CHMP3: variants seen among roughly 807,000 people sequenced by gnomAD.
CHMP3 encodes the protein charged multivesicular body protein 3.
Under a neutral mutation model 27.4 loss-of-function variants are expected in CHMP3, and 8 were observed. That is an observed-to-expected ratio of 0.29 (90% CI 0.17 to 0.53). The LOEUF (loss-of-function observed/expected upper bound fraction) is 0.53. Among genes scored for constraint, CHMP3 ranks in the 20% least tolerant of loss-of-function variants. CHMP3 has a pLI of 0.96. For missense variants in CHMP3, 208 were observed against 271.5 expected, an observed-to-expected ratio of 0.77 and a Z score of 1.64; for synonymous variants, 86 against 85.5, an observed-to-expected ratio of 1.01 and a Z score of -0.03.
In CHMP3 at chr2:86,532,750, C is replaced by T. The variant is rs116314255; in HGVS notation, c.107-3353G>A. 2.0e-3 allele frequency among the ~76,000 whole-genome samples: 310 copies of T among 152,250 alleles called. 2 individuals carry two copies. The highest frequency in any genetic ancestry group is 7.2e-3 in the African/African-American group (301 of 41,554). On this transcript the variant is annotated intron_variant, in intron 2 of 5. Transcript: ENST00000263856. The stretch of plus-strand genomic sequence containing the variant: ...GATATATTACACTGATCAAATTTTA[C>T]ATGTTGAATCATTCTTGCATTCCAG...
intron 1 of CHMP3, among the ~76,000 whole-genome samples, chr2:86,546,370 A>C: frequency 4.0e-5 from 1 of 25,286 alleles, no homozygotes; most frequent in South Asian, 1.0e-3. Context: ...AAGGGAGGGG[A>C]AGGGGGGGAG....
chr2:86,526,973 A>G (rs1056174672), intron 3 of CHMP3: 6 of 152,154 alleles, frequency 3.9e-5, no homozygotes, highest in African/African-American at 1.2e-4. Context: ...TTTAAGATTC[A>G]TGATAGTGGC....
At chr2:86,545,926 CCAGG>C (rs1399864285) in intron 1 of CHMP3, among the ~76,000 whole-genome samples, 1 of 152,110 alleles carries the variant, frequency 6.6e-6, no homozygotes, top group African/African-American at 2.4e-5. Flanking sequence ...GGATGGGCGG[CCAGG>C]CAGAGACACT....
intron 2 of CHMP3, among the ~76,000 whole-genome samples, chr2:86,539,214 C>T (rs547202093): frequency 1.3e-5 from 2 of 152,146 alleles, no homozygotes; most frequent in South Asian, 4.1e-4. Flanking sequence ...AAAGCAATCA[C>T]ATTACTTCAT....
chr2:86,551,326 G>A lies in CHMP3; in HGVS notation c.46-9014C>T, dbSNP rs182329002. ...GGAGTCTCTCTCTGTCACCCATCTCGGCTCACTGCAACCTCTGCCTCCCAG... is the reference window on the plus strand; with the variant it reads ...GGAGTCTCTCTCTGTCACCCATCTCAGCTCACTGCAACCTCTGCCTCCCAG... On this transcript the variant is annotated intron_variant, in intron 1 of 5. Coordinates refer to ENST00000263856, the MANE Select transcript of CHMP3 (RefSeq NM_016079.4). Among the ~76,000 whole-genome samples the A allele has an allele frequency of 3.7e-4, 55 of 149,140 alleles. 1 individual carries two copies. The East Asian group carries it at 6.7e-3, about 18-fold the overall frequency.
intron 5 of CHMP3, 193 bp downstream of exon 5, chr2:86,507,283 AAAT>A: frequency 1.8e-6 from 1 of 540,904 alleles, no homozygotes; most frequent in African/African-American, 1.9e-5. Context: ...CAAACTCTAA[AAAT>A]TTTAAGAATT....
chr2:86,529,450 C>T, intron 2 of CHMP3, 53 bp from the exon 3 acceptor site: 12 of 1,485,992 alleles, frequency 8.1e-6, no homozygotes, highest in Non-Finnish European at 1.1e-5. Flanking sequence ...TTTATTGGCA[C>T]TCAAATACAT....
At chr2:86,538,071 G>A (rs1042266363) in intron 2 of CHMP3, among the ~76,000 whole-genome samples, 11 of 152,032 alleles carry the variant, frequency 7.2e-5, no homozygotes, top group Non-Finnish European at 1.3e-4. Context: ...TACAGACAAC[G>A]GAATATTACT....
chr2:86,554,813 G>A (rs772739330), intron 1 of CHMP3, among the ~76,000 whole-genome samples: 22 of 104,736 alleles, frequency 2.1e-4, no homozygotes, highest in Non-Finnish European at 3.6e-4. Flanking sequence ...ATGTGTGTGC[G>A]CGCGTGTGTG....
At chr2:86,550,302 G>A (rs1415678918) in intron 1 of CHMP3, among the ~76,000 whole-genome samples, 1 of 152,200 alleles carries the variant, frequency 6.6e-6, no homozygotes, top group East Asian at 1.9e-4. Flanking sequence ...CGGGAGCCCG[G>A]GGCAGGGAGG....
chr2:86,514,141 C>T, intron 3 of CHMP3, among the ~76,000 whole-genome samples: 1 of 152,112 alleles, frequency 6.6e-6, no homozygotes, highest in East Asian at 1.9e-4. Context: ...CTGGTCAGCT[C>T]CTGACTCTGA....
At chr2:86,520,508 C>G (rs565224269) in intron 3 of CHMP3, among the ~76,000 whole-genome samples, 1 of 152,248 alleles carries the variant, frequency 6.6e-6, no homozygotes, top group East Asian at 1.9e-4. Flanking sequence ...CAATCACCTC[C>G]CACCAGGACC....
At chr2:86,522,100 A>C (rs148524830) in intron 3 of CHMP3, among the ~76,000 whole-genome samples, 45 of 152,274 alleles carry the variant, frequency 3.0e-4, no homozygotes, top group Non-Finnish European at 5.6e-4. Context: ...GAAAGCACCT[A>C]ATCATGACAA....
At chr2:86,538,578 G>A (rs1408507172) in intron 2 of CHMP3, among the ~76,000 whole-genome samples, 3 of 152,106 alleles carry the variant, frequency 2.0e-5, no homozygotes, top group Non-Finnish European at 2.9e-5. Context: ...CTAAGTGGTC[G>A]AACTTCAGGG....
chr2:86,505,798 C>T lies in CHMP3; in HGVS notation c.*6G>A. 1 of 1,572,674 alleles carries T rather than the reference C, an allele frequency of 6.4e-7. No individual in the cohort carries two copies. Among genetic ancestry groups the T allele is most frequent in the Admixed American group, 1.8e-5 (1 of 55,680 alleles). ...GTGTGTGCACACCCAGCGGGGTAGG[C>T]AGCCCCTAGCTGCGGAGTGTGGCCA... On this transcript the variant is annotated 3_prime_UTR_variant, in exon 6 of 6. Coordinates refer to ENST00000263856, the MANE Select transcript of CHMP3 (RefSeq NM_016079.4).
chr2:86,508,809 T>C (rs1573234637), intron 4 of CHMP3, among the ~76,000 whole-genome samples: 1 of 152,344 alleles, frequency 6.6e-6, no homozygotes, highest in East Asian at 1.9e-4. Flanking sequence ...AATAAATTCA[T>C]ATTCATGTTC....
intron 1 of CHMP3, among the ~76,000 whole-genome samples, chr2:86,548,121 T>G (rs573616064): frequency 5.3e-5 from 8 of 152,200 alleles, no homozygotes; most frequent in African/African-American, 1.9e-4. Context: ...AACTGTGGTG[T>G]TTTAAGAAGA....
At chr2:86,516,125 C>A (rs551185685) in intron 3 of CHMP3, among the ~76,000 whole-genome samples, 11 of 127,948 alleles carry the variant, frequency 8.6e-5, no homozygotes, top group Non-Finnish European at 1.6e-4. Context: ...TCCAGCCTGG[C>A]GACAGAGCAA....
chr2:86,529,516 A>G, intron 2 of CHMP3, 119 bp from the exon 3 acceptor site: 1 of 982,382 alleles, frequency 1.0e-6, no homozygotes. Context: ...AAGGATATAC[A>G]TAAAATCAAA....
Sources: allele counts gnomAD v4.1 joint callset (sites outside exome capture counted in the v4.1 genomes callset), GRCh38; gene constraint gnomAD v4.1.1; transcripts MANE v1.5; gene names NCBI Gene and HGNC (gene_info 2026-07-23, HGNC 2026-07-21).